Variants in AAMDC observed in about 807,000 individuals in gnomAD.
The protein encoded by AAMDC is adipogenesis associated Mth938 domain containing.
In AAMDC, 16 loss-of-function variants were observed where a neutral mutation model predicts 15.5. That is an observed-to-expected ratio of 1.03 (90% CI 0.70 to 1.57). The LOEUF is 1.57. AAMDC is among the 40% of genes most tolerant of loss of function. AAMDC has a pLI of 0.00. For synonymous variants in AAMDC, 51 were observed against 51.6 expected, an observed-to-expected ratio of 0.99 and a Z score of 0.05; for missense variants, 141 against 144.9, an observed-to-expected ratio of 0.97 and a Z score of 0.14.
At chr11:77,902,235 G>A (rs2136442147), downstream of AAMDC, among the ~76,000 whole-genome samples, 1 of 152,082 alleles carries the variant, frequency 6.6e-6, no homozygotes, top group African/African-American at 2.4e-5. Flanking sequence ...CTGTAAACAG[G>A]GAAGAAACAG....
downstream of AAMDC, chr11:77,877,054 G>C (rs755170389): frequency 1.6e-5 from 11 of 702,832 alleles, no homozygotes; most frequent in African/African-American, 3.5e-5. Flanking sequence ...AAACAGGTAA[G>C]CACACTAGAA....
chr11:77,825,582 A>C (rs1949131480), intron 1 of AAMDC, among the ~76,000 whole-genome samples: 2 of 152,198 alleles, frequency 1.3e-5, no homozygotes, highest in Non-Finnish European at 1.5e-5. Context: ...AATACAAACA[A>C]GATGTAAACC....
intron 1 of AAMDC, among the ~76,000 whole-genome samples, chr11:77,828,305 A>G (rs1457882244): frequency 6.6e-6 from 1 of 152,132 alleles, no homozygotes; most frequent in East Asian, 1.9e-4. Flanking sequence ...CAGCAAAAAA[A>G]TGATATCAAT....
At position 77,860,172 on chromosome 11, in the gene AAMDC, A is replaced by T. The variant is rs1590962970; in HGVS notation, c.133-9550A>T. Reference sequence around the variant, plus strand: ...GTCTTGCCCCGTTGGCAAGCTTAACACTGGGGCTTGGGTTAGGGCCTTCTT... The same window carrying T: ...GTCTTGCCCCGTTGGCAAGCTTAACTCTGGGGCTTGGGTTAGGGCCTTCTT... On this transcript the variant is annotated intron_variant, in intron 2 of 3. Transcript: ENST00000393427. 2.0e-5 allele frequency among the ~76,000 whole-genome samples: 3 copies of T among 152,302 alleles called. No individual in the cohort carries two copies. In the East Asian group the frequency reaches 5.8e-4, roughly 29 times the overall value.
intron 2 of AAMDC, among the ~76,000 whole-genome samples, chr11:77,858,302 CTTT>C (rs71473358): frequency 1.7e-4 from 12 of 69,346 alleles, no homozygotes; most frequent in East Asian, 4.9e-4. Flanking sequence ...TTAAGCAATT[CTTT>C]TTTTTTTTTT....
At chr11:77,831,711 T>C (rs1949433434) in intron 1 of AAMDC, among the ~76,000 whole-genome samples, 1 of 147,946 alleles carries the variant, frequency 6.8e-6, no homozygotes, top group Non-Finnish European at 1.5e-5. Context: ...TTTTTTTTTT[T>C]CTGAGACAGG....
chr11:77,821,205 C>G lies in AAMDC; in HGVS notation c.-55C>G, dbSNP rs540222090. 5 of 304,790 alleles carry G rather than the reference C, an allele frequency of 1.6e-5. No homozygotes were observed. The highest frequency in any genetic ancestry group is 1.1e-4 in the East Asian group (2 of 18,310). 18.9% of individuals were successfully genotyped at this position (304,790 alleles called of 1,614,324 possible). ...CGTAAGTGCGGGCAGAGCACTGCGC[C>G]GTTTGGGAACGCAACTTTGAGGAGA... On this transcript the variant is annotated 5_prime_UTR_variant, in exon 1 of 4. Transcript: ENST00000393427.
intron 2 of AAMDC, among the ~76,000 whole-genome samples, chr11:77,868,453 G>C (rs1951231816): frequency 6.8e-6 from 1 of 148,140 alleles, no homozygotes; most frequent in African/African-American, 2.5e-5. Flanking sequence ...CTGCCTCCCA[G>C]GTTCAAGTGA....
downstream of AAMDC, among the ~76,000 whole-genome samples, chr11:77,873,302 G>A (rs1951506842): frequency 6.6e-6 from 1 of 152,208 alleles, no homozygotes. Flanking sequence ...GCAATTCATA[G>A]AAAGTATTAA....
intron 1 of AAMDC, among the ~76,000 whole-genome samples, chr11:77,823,904 G>A (rs879032521): frequency 6.7e-6 from 1 of 149,782 alleles, no homozygotes; most frequent in Admixed American, 6.7e-5. Flanking sequence ...GTGAGGTTGT[G>A]AAATAACATT....
chr11:77,824,383 A>G (rs1949074206), intron 1 of AAMDC, among the ~76,000 whole-genome samples: 1 of 152,230 alleles, frequency 6.6e-6, no homozygotes, highest in African/African-American at 2.4e-5. Context: ...AACTTTGTTT[A>G]TGAATAAGAA....
intron 1 of AAMDC, among the ~76,000 whole-genome samples, chr11:77,823,050 T>G (rs1202852504): frequency 6.6e-6 from 1 of 151,762 alleles, no homozygotes; most frequent in Admixed American, 6.6e-5. Flanking sequence ...CCGTCTCTAC[T>G]AAAAATACAA....
chr11:77,852,224 C>CAAAAAAATAAAAAAAAA (rs1950416513), intron 2 of AAMDC, among the ~76,000 whole-genome samples: 1 of 33,530 alleles, frequency 3.0e-5, no homozygotes, highest in African/African-American at 1.8e-4. Flanking sequence ...GACACTGTCT[C>CAAAAAAATAAAAAAAAA]AAAAAAAAAA....
intron 1 of AAMDC, among the ~76,000 whole-genome samples, chr11:77,839,558 T>A (rs1177249559): frequency 1.3e-5 from 2 of 152,124 alleles, no homozygotes; most frequent in Non-Finnish European, 2.9e-5. Flanking sequence ...AGCGAAGACA[T>A]GGAATCAACC....
chr11:77,835,562 G>A (rs148447672), intron 1 of AAMDC, among the ~76,000 whole-genome samples: 73 of 152,284 alleles, frequency 4.8e-4, no homozygotes, highest in African/African-American at 1.6e-3. Flanking sequence ...CTCCCAGGAA[G>A]TTGTTTTCCT....
chr11:77,874,115 G>A (rs1389675041), downstream of AAMDC, among the ~76,000 whole-genome samples: 1 of 152,166 alleles, frequency 6.6e-6, no homozygotes, highest in Non-Finnish European at 1.5e-5. Context: ...CGTAGGATTA[G>A]AACCCAGCAC....
intron 5 of AAMDC, among the ~76,000 whole-genome samples, chr11:77,899,405 C>T (rs1161675391): frequency 1.3e-5 from 2 of 152,030 alleles, no homozygotes. Flanking sequence ...GGCTCGGTGG[C>T]TCACGCCTGT....
At chr11:77,833,540 G>A (rs989412581) in intron 1 of AAMDC, among the ~76,000 whole-genome samples, 26 of 152,214 alleles carry the variant, frequency 1.7e-4, no homozygotes, top group African/African-American at 4.1e-4. Flanking sequence ...ACAAAGTATC[G>A]CTCACTCACC....
rs1302266786 is a variant in AAMDC at position 77,872,095 on chromosome 11, A to G, written c.229-80A>G. 3 of 1,451,074 alleles carry G rather than the reference A, an allele frequency of 2.1e-6. No individual in the cohort carries two copies. In the Admixed American group the frequency reaches 6.5e-5, roughly 31 times the overall value. The allele number at this position is 1,451,074 out of a possible 1,614,324, so 89.9% of individuals were successfully genotyped here. ...CGATTGTCACTGTCTAATTCTGTAG[A>G]GTACACCTGCCTCATGGCAGTAAAG... On this transcript the variant is annotated intron_variant, in intron 3 of 3. Coordinates refer to ENST00000393427, the MANE Select transcript of AAMDC (RefSeq NM_024684.4).
Sources: allele counts gnomAD v4.1 joint callset (sites outside exome capture counted in the v4.1 genomes callset), GRCh38; gene constraint gnomAD v4.1.1; transcripts MANE v1.5; gene names NCBI Gene and HGNC (gene_info 2026-07-23, HGNC 2026-07-21).